AMMECR1: variants seen among roughly 807,000 people sequenced by gnomAD.
AMMECR1 encodes the protein AMMECR nuclear protein 1, also known as nuclear protein AMMECR1.
Under a neutral mutation model 22.5 loss-of-function variants are expected in AMMECR1, and 3 were observed. The ratio of observed to expected loss-of-function variants is 0.13; its 90% CI spans 0.06 to 0.35. AMMECR1 has a LOEUF of 0.35. Among genes scored for constraint, AMMECR1 ranks in the 10% least tolerant of loss-of-function variants. The pLI, the probability that AMMECR1 is intolerant of heterozygous loss-of-function variation, is 1.00. For synonymous variants in AMMECR1, 130 were observed against 116.7 expected (o/e 1.11, Z -0.74); for missense variants, 235 against 278.7 (o/e 0.84, Z 1.12).
chrX:110,350,847 C>A (rs1569412626), intron 2 of AMMECR1, among the ~76,000 whole-genome samples: 1 of 109,811 alleles, frequency 9.1e-6, no homozygotes, highest in East Asian at 2.9e-4. Context: ...TGGCACGCAC[C>A]CTGTGATCCC....
At chrX:110,308,793 T>C (rs758822056) in intron 1 of AMMECR1, among the ~76,000 whole-genome samples, 27 of 111,101 alleles carry the variant, frequency 2.4e-4, no homozygotes, top group Non-Finnish European at 4.3e-4. Context: ...TTTTTGTCAT[T>C]ATCATAGGGA....
At chrX:110,283,583 C>T (rs2067863649) in intron 1 of AMMECR1, among the ~76,000 whole-genome samples, 1 of 112,002 alleles carries the variant, frequency 8.9e-6, no homozygotes, top group Admixed American at 9.5e-5. Context: ...CTGTGTCTCA[C>T]ACAGTGGGAA....
intron 2 of AMMECR1, among the ~76,000 whole-genome samples, chrX:110,408,570 C>G (rs970493061): frequency 8.9e-6 from 1 of 112,159 alleles, no homozygotes; most frequent in African/African-American, 3.2e-5. Context: ...TCCCCTGCCC[C>G]GACCCCACAG....
chrX:110,433,225 C>T (rs1436485563), intron 1 of AMMECR1, among the ~76,000 whole-genome samples: 2 of 112,634 alleles, frequency 1.8e-5, no homozygotes, highest in Non-Finnish European at 3.8e-5. Context: ...TATGTGCCCA[C>T]CACTGTGCTG....
intron 2 of AMMECR1, among the ~76,000 whole-genome samples, chrX:110,245,621 T>G (rs979706306): frequency 9.0e-6 from 1 of 110,817 alleles, no homozygotes; most frequent in Non-Finnish European, 1.9e-5. Flanking sequence ...AATCTCCCAA[T>G]CTCTAGCCCA....
chrX:110,294,951 GAATT>G (rs764229702), intron 1 of AMMECR1, among the ~76,000 whole-genome samples: 1 of 109,593 alleles, frequency 9.1e-6, no homozygotes, highest in Non-Finnish European at 1.9e-5. Context: ...AAAAATACTT[GAATT>G]AATTTTTTCA....
intron 1 of AMMECR1, chrX:110,307,224 T>A (rs1311649204): frequency 2.0e-5 from 2 of 102,302 alleles, no homozygotes; most frequent in Non-Finnish European, 4.0e-5. Context: ...CTAGCCTGGG[T>A]GATGGAGCAA....
At chrX:110,390,878 A>C (rs2068489412) in intron 2 of AMMECR1, among the ~76,000 whole-genome samples, 1 of 111,681 alleles carries the variant, frequency 9.0e-6, no homozygotes, top group African/African-American at 3.3e-5. Context: ...GTCTGTTGAA[A>C]ATTATTTATT....
At chrX:110,431,073 G>T in intron 1 of AMMECR1, among the ~76,000 whole-genome samples, 1 of 112,017 alleles carries the variant, frequency 8.9e-6, no homozygotes, top group Admixed American at 9.4e-5. Context: ...CATTCCTTTG[G>T]CTGCTCTCCA....
At chrX:110,320,271 G>A (rs1253488765), upstream of AMMECR1, among the ~76,000 whole-genome samples, 3 of 111,775 alleles carry the variant, frequency 2.7e-5, no homozygotes, top group Admixed American at 1.9e-4. Flanking sequence ...TGTTTTGTAC[G>A]TTAGGGTGTT....
intron 2 of AMMECR1, among the ~76,000 whole-genome samples, chrX:110,385,984 T>G (rs1438711271): frequency 2.7e-5 from 3 of 112,572 alleles, no homozygotes; most frequent in African/African-American, 9.7e-5. Flanking sequence ...GGCTGAATAA[T>G]AGTTCATTAT....
chrX:110,306,893 T>C (rs2067998557), intron 1 of AMMECR1: 1 of 111,730 alleles, frequency 9.0e-6, no homozygotes, highest in Admixed American at 9.5e-5. Context: ...AACATTACTA[T>C]ACACTTAAAC....
intron 2 of AMMECR1, among the ~76,000 whole-genome samples, chrX:110,417,308 G>A (rs2068684629): frequency 8.9e-6 from 1 of 112,085 alleles, no homozygotes; most frequent in Non-Finnish European, 1.9e-5. Context: ...CAGGGGAGGA[G>A]GCACATCTGG....
At chrX:110,290,553 T>C (rs1021679989) in intron 1 of AMMECR1, among the ~76,000 whole-genome samples, 2 of 111,870 alleles carry the variant, frequency 1.8e-5, no homozygotes, top group African/African-American at 6.5e-5. Flanking sequence ...GCAGTCCTGA[T>C]ATGTACCACA....
At chrX:110,438,331 A>G (rs1294632420) in intron 1 of AMMECR1, among the ~76,000 whole-genome samples, 1 of 111,826 alleles carries the variant, frequency 8.9e-6, no homozygotes, top group Non-Finnish European at 1.9e-5. Context: ...TGGAAAGGCC[A>G]ATGGAACATT....
At chrX:110,285,170 A>G (rs1407841272) in intron 1 of AMMECR1, among the ~76,000 whole-genome samples, 4 of 112,376 alleles carry the variant, frequency 3.6e-5, no homozygotes, top group Non-Finnish European at 7.5e-5. Context: ...CTAGAACACC[A>G]TAAGTACTGA....
At chrX:110,399,208 C>T (rs1489654889) in intron 2 of AMMECR1, among the ~76,000 whole-genome samples, 1 of 112,578 alleles carries the variant, frequency 8.9e-6, no homozygotes, top group Non-Finnish European at 1.9e-5. Context: ...GCACATTCCA[C>T]TTTCTGTACC....
At chrX:110,420,298 C>A (rs1448162086) in intron 2 of AMMECR1, among the ~76,000 whole-genome samples, 2 of 112,203 alleles carry the variant, frequency 1.8e-5, no homozygotes. Context: ...AGAGCTTGTT[C>A]TGGAATAGCT....
intron 1 of AMMECR1, among the ~76,000 whole-genome samples, chrX:110,312,410 G>C (rs887066329): frequency 8.9e-6 from 1 of 111,747 alleles, no homozygotes; most frequent in Non-Finnish European, 1.9e-5. Context: ...TTTCAGTAGT[G>C]GTCTTTCTTC....
Sources: gnomAD v4.1 joint callset for allele counts (sites outside exome capture counted in the v4.1 genomes callset) on GRCh38, gnomAD v4.1.1 for gene constraint, MANE v1.5 for transcripts, NCBI Gene and HGNC (gene_info 2026-07-23, HGNC 2026-07-21) for gene names.